Variants in ARHGEF15 observed in about 807,000 individuals in gnomAD.
ARHGEF15 encodes Rho guanine nucleotide exchange factor (GEF) 15.
ARHGEF15 carries 58 observed loss-of-function variants against 79.7 expected under a neutral mutation model. That is an observed-to-expected ratio of 0.73 (90% confidence interval 0.59 to 0.91). ARHGEF15 has a LOEUF of 0.91. ARHGEF15 is among the 40% of genes least tolerant of loss of function. ARHGEF15 has a pLI of 0.00. For synonymous variants in ARHGEF15, 442 were observed against 456.0 expected (o/e 0.97, Z 0.39); for missense variants, 1,012 against 1,108.1 (o/e 0.91, Z 1.23).
intron 9 of ARHGEF15, among the ~76,000 whole-genome samples, chr17:8,317,678 A>G (rs975819513): frequency 1.3e-5 from 2 of 152,198 alleles, no homozygotes; most frequent in African/African-American, 4.8e-5. Context: ...GTCATACAGA[A>G]ATAATTGATG....
At chr17:8,320,248 A>C (rs1451684062) in intron 15 of ARHGEF15, among the ~76,000 whole-genome samples, 2 of 152,122 alleles carry the variant, frequency 1.3e-5, no homozygotes, top group African/African-American at 4.8e-5. Flanking sequence ...TAAATTATAA[A>C]GTACATGTGA....
chr17:8,311,082 C>T (rs1391801313), intron 1 of ARHGEF15, among the ~76,000 whole-genome samples: 3 of 151,972 alleles, frequency 2.0e-5, no homozygotes, highest in African/African-American at 7.3e-5. Flanking sequence ...CCCCCTTGTT[C>T]CCCCCTCATC....
In ARHGEF15 at chr17:8,313,751, C is replaced by T. The variant is rs116269672; in HGVS notation, c.989+196C>T. Reference sequence around the variant, plus strand: ...TCAATTCTGTGATCTTATAGAAGGCCGGGCACGGTGGCTTACATCTGTAAT... The same window carrying T: ...TCAATTCTGTGATCTTATAGAAGGCTGGGCACGGTGGCTTACATCTGTAAT... On this transcript the variant is annotated intron_variant, in intron 4 of 15. Transcript: ENST00000361926. 6.4e-4 allele frequency: 314 copies of T among 493,576 alleles called. 2 individuals are homozygous for T. Among genetic ancestry groups the T allele is most frequent in the African/African-American group, 5.7e-3 (288 of 50,540 alleles). 30.6% of individuals were successfully genotyped at this position (493,576 alleles called of 1,614,324 possible).
At chr17:8,312,700 A>G (rs750968437) in intron 2 of ARHGEF15, 60 bp downstream of exon 2, 5 of 1,608,662 alleles carry the variant, frequency 3.1e-6, no homozygotes, top group African/African-American at 2.7e-5. Flanking sequence ...CTCCGTTTTC[A>G]GTGCTAACAA....
chr17:8,321,241 G>A lies in ARHGEF15; in HGVS notation c.*248G>A, dbSNP rs554427431. On this transcript the variant is annotated 3_prime_UTR_variant, in exon 16 of 16. Transcript: ENST00000361926. ...AGGCTTAGTGCAGAGCAGCCAATGGGTACTGAGCTGGCTGAGCCTATGGCC... is the reference window on the plus strand; with the variant it reads ...AGGCTTAGTGCAGAGCAGCCAATGGATACTGAGCTGGCTGAGCCTATGGCC... The A allele has an allele frequency of 2.4e-4, 120 of 501,754 alleles. No homozygotes were observed. Among genetic ancestry groups the A allele is most frequent in the Non-Finnish European group, 4.0e-4 (112 of 283,376 alleles). The allele number at this position is 501,754 out of a possible 1,614,324, so 31.1% of individuals were successfully genotyped here.
intron 1 of ARHGEF15, among the ~76,000 whole-genome samples, chr17:8,311,466 A>G (rs1434053207): frequency 6.6e-6 from 1 of 152,062 alleles, no homozygotes; most frequent in Non-Finnish European, 1.5e-5. Context: ...AAAGGAGACT[A>G]AAAATAATCC....
Position 8,315,034 on chromosome 17 carries a change from G to T in ARHGEF15, c.1049-32G>T. The T allele has an allele frequency of 3.7e-6, 6 of 1,613,576 alleles. No homozygotes were observed. The highest frequency in any genetic ancestry group is 4.2e-6 in the Non-Finnish European group (5 of 1,179,714). ...AGTGGGGAAGGGTTTGGGAGCCCTG[G>T]GCTTCCCTGAAGTGCTATGTTTGCC... On this transcript the variant is annotated intron_variant, in intron 5 of 15. Transcript: ENST00000361926. The surrounding 1 kb of genome is among the most constrained non-coding windows in gnomAD (Gnocchi z 4.3).
chr17:8,319,726 C>T (rs1905260067), intron 15 of ARHGEF15, 123 bp downstream of exon 15: 1 of 737,372 alleles, frequency 1.4e-6, no homozygotes, highest in African/African-American at 1.8e-5. Context: ...ACCTCTGCCT[C>T]CTGGGTTCAA....
Position 8,318,951 on chromosome 17 carries a change from A to T in ARHGEF15, c.2033+41A>T, listed in dbSNP as rs111646673. ...GGAAGGAGCCCAGGCTGGAGTGGGC[A>T]GGAGGGGTCCAGCGGGACCCCTGCT... On this transcript the variant is annotated intron_variant, in intron 12 of 15. Transcript: ENST00000361926. This position sits in a 1 kb window ranked among gnomAD's most constrained non-coding sequence, Gnocchi z 5.0. The T allele has an allele frequency of 6.2e-7, 1 of 1,609,554 alleles. No homozygotes were observed. The highest frequency in any genetic ancestry group is 8.5e-7 in the Non-Finnish European group (1 of 1,178,432).
chr17:8,315,328 T>C lies in ARHGEF15; in HGVS notation c.1260+51T>C. Reference sequence around the variant, plus strand: ...AGGGGGGTGCTGGGGTTGGGCTGCATGGGTCAGGCATAGGGGAGGAGGGCC... The same window carrying C: ...AGGGGGGTGCTGGGGTTGGGCTGCACGGGTCAGGCATAGGGGAGGAGGGCC... On this transcript the variant is annotated intron_variant, in intron 6 of 15. Transcript: ENST00000361926. The surrounding 1 kb of genome is among the most constrained non-coding windows in gnomAD (Gnocchi z 4.3). The C allele has an allele frequency of 1.2e-6, 2 of 1,610,822 alleles. No homozygotes were observed. Among genetic ancestry groups the C allele is most frequent in the Non-Finnish European group, 1.7e-6 (2 of 1,178,144 alleles).
Position 8,315,388 on chromosome 17 carries a change from C to T in ARHGEF15, c.1261-26C>T. The T allele has an allele frequency of 4.3e-6, 7 of 1,613,704 alleles. No individual in the cohort carries two copies. Among genetic ancestry groups the T allele is most frequent in the East Asian group, 2.2e-5 (1 of 44,864 alleles). On this transcript the variant is annotated intron_variant, in intron 6 of 15. Transcript: ENST00000361926. This position sits in a 1 kb window ranked among gnomAD's most constrained non-coding sequence, Gnocchi z 4.3. Reference sequence around the variant, plus strand: ...AGCTTCCCACGGTGAACTGGGCTTCCCACGACTGCCTGCTTTTCTTTCTAG... The same window carrying T: ...AGCTTCCCACGGTGAACTGGGCTTCTCACGACTGCCTGCTTTTCTTTCTAG...
chr17:8,320,355 G>C (rs1157434680), intron 15 of ARHGEF15, among the ~76,000 whole-genome samples: 1 of 152,116 alleles, frequency 6.6e-6, no homozygotes, highest in Non-Finnish European at 1.5e-5. Context: ...TAGGGAGGCC[G>C]AGGTGGACCT....
chr17:8,310,466 G>A (rs985944717), intron 1 of ARHGEF15, 123 bp downstream of exon 1: 3 of 152,252 alleles, frequency 2.0e-5, no homozygotes, highest in Admixed American at 6.5e-5. Context: ...GTCGGGGAAA[G>A]ATGGTGAGAC....
chr17:8,311,842 CG>C (rs1298603949), intron 1 of ARHGEF15, 148 bp from the exon 2 acceptor site: 4 of 492,008 alleles, frequency 8.1e-6, no homozygotes, highest in African/African-American at 6.1e-5. Flanking sequence ...AGACACGGAG[CG>C]GCTGTATCCC....
rs780440591 is a variant in ARHGEF15, at chr17:8,313,513, A to G, written c.947A>G (p.Asp316Gly). 5 of 1,613,042 alleles carry G rather than the reference A, an allele frequency of 3.1e-6. No individual in the cohort carries two copies. The highest frequency in any genetic ancestry group is 1.3e-5 in the African/African-American group (1 of 74,682). ...EDGIQTGDSP[D>G]EAPQNTPPAT... is the part of the protein sequence containing the mutation. ...CTTCTCTCTCCAGGGGACAGTCCTGATGAAGCTCCTCAGAATACTCCTCCA... is the reference window on the plus strand; with the variant it reads ...CTTCTCTCTCCAGGGGACAGTCCTGGTGAAGCTCCTCAGAATACTCCTCCA... Residue 316 changes from aspartate to glycine, a missense_variant, in exon 4 of 16, where the codon GAT becomes GGT. By Grantham distance (94) the Asp-to-Gly change is moderately conservative. This residue lies in a region of ARHGEF15 where 818 missense variants were observed against 882.5 expected (regional missense o/e 0.93). Transcript: ENST00000361926.
At chr17:8,320,757 G>A in intron 15 of ARHGEF15, 85 bp from the exon 16 acceptor site, 1 of 1,233,648 alleles carries the variant, frequency 8.1e-7, no homozygotes, top group Admixed American at 2.1e-5. Flanking sequence ...TGACCCTGAA[G>A]GCCTGAGACC....
In ARHGEF15 at chr17:8,320,979, G is replaced by GC. The variant is rs769841479; in HGVS notation, c.2519dup (p.Pro841ThrfsTer53). The GC allele has an allele frequency of 3.6e-5, 58 of 1,613,256 alleles. No homozygotes were observed. Among genetic ancestry groups the GC allele is most frequent in the East Asian group, 4.5e-5 (2 of 44,876 alleles). ...TGGATCTTCTTCAGGCACCCCCAAT[G>GC]CCCCCCCACCCTAATGCAGGCTGAG... On this transcript the variant is annotated frameshift_variant, in exon 16 of 16. Transcript: ENST00000361926. LOFTEE classifies it high-confidence loss of function.
At position 8,314,778 on chromosome 17, in the gene ARHGEF15, T is replaced by G. The variant is rs183873735; in HGVS notation, c.990-128T>G. On this transcript the variant is annotated intron_variant, in intron 4 of 15. Coordinates refer to ENST00000361926, the MANE Select transcript of ARHGEF15 (RefSeq NM_173728.4). The stretch of plus-strand genomic sequence containing the variant: ...AAAAAAAAAAAGCCTGAGGTTTGAT[T>G]TGGGGAGCCGTCAGGGTCCCTACAT... 9,556 of 995,432 alleles carry G rather than the reference T, an allele frequency of 9.6e-3. 62 individuals carry two copies. Among genetic ancestry groups the G allele is most frequent in the Admixed American group, 0.01 (331 of 32,058 alleles). The allele number at this position is 995,432 out of a possible 1,614,324, so 61.7% of individuals were successfully genotyped here.
At chr17:8,313,653 C>T (rs1904819726) in intron 4 of ARHGEF15, 98 bp downstream of exon 4, 6 of 1,314,026 alleles carry the variant, frequency 4.6e-6, no homozygotes, top group Non-Finnish European at 6.4e-6. Flanking sequence ...CCCACCTCCA[C>T]AAAGGTGAGG....
Sources: allele counts gnomAD v4.1 joint callset (sites outside exome capture counted in the v4.1 genomes callset), GRCh38; gene constraint gnomAD v4.1.1; regional missense constraint gnomAD v4.1.1; non-coding constraint Gnocchi (gnomAD v3.1); transcripts MANE v1.5; gene names NCBI Gene and HGNC (gene_info 2026-07-23, HGNC 2026-07-21).